The following CHI3L2 variants were observed in gnomAD, a reference collection of about 807,000 sequenced individuals.
CHI3L2 encodes the protein chitinase 3 like 2.
CHI3L2 carries 47 observed loss-of-function variants against 47.3 expected under a neutral mutation model. That is an observed-to-expected ratio of 0.99 (90% CI 0.79 to 1.27). CHI3L2 has a LOEUF of 1.27. Among genes scored for constraint, CHI3L2 ranks in the 50% most tolerant of loss-of-function variants. CHI3L2 has a pLI of 0.00. For synonymous variants in CHI3L2, 198 were observed against 169.9 expected (o/e 1.17, Z -1.28); for missense variants, 497 against 462.1 (o/e 1.08, Z -0.69).
At chr1:111,229,788 A>G (rs1659655797) in intron 1 of CHI3L2, 64 bp from the exon 2 acceptor site, 1 of 1,607,838 alleles carries the variant, frequency 6.2e-7, no homozygotes. Flanking sequence ...TTTCACTGCC[A>G]TTATCTGGGA....
chr1:111,233,597 G>A (rs900914281), intron 4 of CHI3L2, among the ~76,000 whole-genome samples: 11 of 152,130 alleles, frequency 7.2e-5, no homozygotes, highest in Admixed American at 3.9e-4. Context: ...CCGGCCAGCC[G>A]CCCCGTCCGG....
At chr1:111,231,489 T>G in intron 4 of CHI3L2, 195 bp downstream of exon 4, 1 of 545,580 alleles carries the variant, frequency 1.8e-6, no homozygotes, top group Non-Finnish European at 3.2e-6. Flanking sequence ...GGAATTCTTC[T>G]GGAGCTTAAT....
At chr1:111,228,216 T>C (rs1306505906) in intron 1 of CHI3L2, among the ~76,000 whole-genome samples, 1 of 152,186 alleles carries the variant, frequency 6.6e-6, no homozygotes. Context: ...CCCTTTCAAC[T>C]CTAAAGTTCT....
chr1:111,233,396 C>G lies in CHI3L2; in HGVS notation c.330-1511C>G, dbSNP rs534700617. Among the ~76,000 whole-genome samples, 5 of 152,272 alleles carry G rather than the reference C, an allele frequency of 3.3e-5. No individual in the cohort carries two copies. In the South Asian group the frequency reaches 6.2e-4, roughly 19 times the overall value. On this transcript the variant is annotated intron_variant, in intron 4 of 10. Coordinates refer to ENST00000369748, the MANE Select transcript of CHI3L2 (RefSeq NM_004000.3). ...CCCTCAGTCCCAATTTAGAGGTGGC[C>G]AGACTGGAACCCAGAGAGCAGGTTA...
chr1:111,233,248 T>A (rs1659778675), intron 4 of CHI3L2, among the ~76,000 whole-genome samples: 1 of 152,110 alleles, frequency 6.6e-6, no homozygotes, highest in Non-Finnish European at 1.5e-5. Context: ...GGTGGGGAGA[T>A]CTGCGTTGCC....
intron 2 of CHI3L2, among the ~76,000 whole-genome samples, 189 bp from the exon 3 acceptor site, chr1:111,230,553 C>T (rs1258913456): frequency 6.6e-6 from 1 of 152,152 alleles, no homozygotes; most frequent in East Asian, 1.9e-4. Context: ...TGTGCCCAGT[C>T]TCAGCGTATT....
intron 1 of CHI3L2, 61 bp from the exon 2 acceptor site, chr1:111,229,791 A>G: frequency 6.2e-7 from 1 of 1,605,398 alleles, no homozygotes; most frequent in Non-Finnish European, 8.5e-7. Context: ...CACTGCCATT[A>G]TCTGGGACAG....
At chr1:111,234,055 G>A (rs112260552) in intron 4 of CHI3L2, among the ~76,000 whole-genome samples, 12,946 of 149,178 alleles carry the variant, frequency 0.087, 848 homozygotes, top group East Asian at 0.34. Flanking sequence ...CAAACACTGC[G>A]GAAGGCCGCA....
chr1:111,231,850 G>T (rs999250221), intron 4 of CHI3L2, among the ~76,000 whole-genome samples: 2 of 152,122 alleles, frequency 1.3e-5, no homozygotes, highest in Non-Finnish European at 2.9e-5. Context: ...GCACACATTC[G>T]AAATAATATT....
At chr1:111,240,675 T>C (rs1490423136) in intron 8 of CHI3L2, among the ~76,000 whole-genome samples, 1 of 152,230 alleles carries the variant, frequency 6.6e-6, no homozygotes, top group Admixed American at 6.5e-5. Flanking sequence ...AAAAGAGTAA[T>C]CCTAAATGGA....
intron 2 of CHI3L2, among the ~76,000 whole-genome samples, chr1:111,230,538 G>A (rs937656750): frequency 6.6e-6 from 1 of 152,184 alleles, no homozygotes; most frequent in Non-Finnish European, 1.5e-5. Flanking sequence ...ACAGGTGTGA[G>A]CCACTGTGCC....
chr1:111,240,467 G>A (rs191290396), intron 8 of CHI3L2, among the ~76,000 whole-genome samples: 2 of 152,246 alleles, frequency 1.3e-5, no homozygotes, highest in Non-Finnish European at 2.9e-5. Flanking sequence ...GGAGAAGAGA[G>A]GTCATTGCTC....
At position 111,230,950 on chromosome 1, in the gene CHI3L2, A is replaced by T; in HGVS notation, c.272+7A>T. 1 of 1,611,416 alleles carries T rather than the reference A, an allele frequency of 6.2e-7. No individual in the cohort carries two copies. Among genetic ancestry groups the T allele is most frequent in the South Asian group, 1.1e-5 (1 of 90,894 alleles). ...TCAACAGTCTCAAAACCAAGTGAGT[A>T]AGATGGGGGTGGAAGCATCCTGCAT... is the stretch of plus-strand genomic sequence containing the variant. On this transcript the variant is annotated splice_region_variant and intron_variant, in intron 3 of 10. Transcript: ENST00000369748.
At chr1:111,228,412 G>A (rs2101542240) in intron 1 of CHI3L2, among the ~76,000 whole-genome samples, 1 of 152,318 alleles carries the variant, frequency 6.6e-6, no homozygotes, top group Non-Finnish European at 1.5e-5. Flanking sequence ...ACCCTCTCAA[G>A]CCATGAAGCC....
At chr1:111,235,585 A>T in intron 5 of CHI3L2, 54 bp from the exon 6 acceptor site, 1 of 1,575,942 alleles carries the variant, frequency 6.3e-7, no homozygotes, top group Non-Finnish European at 8.6e-7. Context: ...CAAGAAGCTT[A>T]GCACTGTACT....
chr1:111,241,199 G>T (rs1278297306), intron 8 of CHI3L2, 128 bp from the exon 9 acceptor site: 2 of 741,320 alleles, frequency 2.7e-6, no homozygotes, highest in African/African-American at 3.4e-5. Context: ...TTCTCTCATT[G>T]TCTGATCCTT....
intron 6 of CHI3L2, 89 bp from the exon 7 acceptor site, chr1:111,235,935 G>T (rs766655746): frequency 6.4e-7 from 1 of 1,566,166 alleles, no homozygotes; most frequent in Admixed American, 1.7e-5. Flanking sequence ...AATCCTTCTA[G>T]CAGCATCATT....
intron 3 of CHI3L2, 36 bp from the exon 4 acceptor site, chr1:111,231,202 C>T: frequency 6.5e-7 from 1 of 1,545,656 alleles, no homozygotes; most frequent in Non-Finnish European, 8.9e-7. Context: ...CCCTGGCAGC[C>T]AGAAAATAAA....
At chr1:111,229,067 T>C (rs1261515833) in intron 1 of CHI3L2, among the ~76,000 whole-genome samples, 1 of 152,198 alleles carries the variant, frequency 6.6e-6, no homozygotes, top group Non-Finnish European at 1.5e-5. Context: ...CTGAGATAGT[T>C]CTGGTTCAAG....
Sources: allele counts gnomAD v4.1 joint callset (sites outside exome capture counted in the v4.1 genomes callset), GRCh38; gene constraint gnomAD v4.1.1; transcripts MANE v1.5; gene names NCBI Gene and HGNC (gene_info 2026-07-23, HGNC 2026-07-21).